Variants in TANC2 observed in about 807,000 individuals in gnomAD.
The protein encoded by TANC2 is tetratricopeptide repeat, ankyrin repeat and coiled-coil containing 2, also known as protein TANC2.
TANC2 carries 26 observed loss-of-function variants against 210.5 expected under a neutral mutation model. That is an observed-to-expected ratio of 0.12 (90% CI 0.09 to 0.17). The LOEUF (loss-of-function observed/expected upper bound fraction) is 0.17. Among genes scored for constraint, TANC2 ranks in the 10% least tolerant of loss-of-function variants. TANC2 has a pLI of 1.00. For synonymous variants in TANC2, 931 were observed against 967.1 expected (o/e 0.96, Z 0.69); for missense variants, 2,129 against 2,608.9 (o/e 0.82, Z 4.01).
At chr17:63,353,313 A>G (rs566535282) in intron 13 of TANC2, among the ~76,000 whole-genome samples, 9 of 152,272 alleles carry the variant, frequency 5.9e-5, no homozygotes, top group Admixed American at 3.3e-4. Flanking sequence ...AATCCTGGGT[A>G]TGTTGTGAGC....
intron 14 of TANC2, among the ~76,000 whole-genome samples, chr17:63,376,036 G>A (rs1054879175): frequency 2.6e-5 from 4 of 151,414 alleles, no homozygotes; most frequent in African/African-American, 4.9e-5. Context: ...GCAGTGAGCC[G>A]AGATCACACC....
chr17:63,234,503 G>A (rs1009188090), intron 7 of TANC2, among the ~76,000 whole-genome samples: 2 of 152,130 alleles, frequency 1.3e-5, no homozygotes, highest in Non-Finnish European at 2.9e-5. Flanking sequence ...CTTCTGTGCT[G>A]AGGGTCTCCT....
chr17:63,158,919 A>G (rs1338476701), intron 5 of TANC2, among the ~76,000 whole-genome samples: 2 of 152,140 alleles, frequency 1.3e-5, no homozygotes, highest in African/African-American at 4.8e-5. Flanking sequence ...AAGGATTCAG[A>G]TCTTCATGGG....
At chr17:63,386,960 C>T (rs374569293) in intron 15 of TANC2, among the ~76,000 whole-genome samples, 1 of 152,180 alleles carries the variant, frequency 6.6e-6, no homozygotes, top group East Asian at 1.9e-4. Flanking sequence ...TCAAGCGATC[C>T]TCCCACCTCA....
intron 11 of TANC2, among the ~76,000 whole-genome samples, chr17:63,322,579 C>T (rs2045530226): frequency 1.3e-5 from 2 of 152,208 alleles, no homozygotes; most frequent in South Asian, 2.1e-4. Context: ...TTCAGTCATT[C>T]AGTTATTCAG....
At chr17:63,229,670 T>A (rs2042419428) in intron 7 of TANC2, among the ~76,000 whole-genome samples, 1 of 151,956 alleles carries the variant, frequency 6.6e-6, no homozygotes, top group Non-Finnish European at 1.5e-5. Context: ...CCTGGTTCAG[T>A]CTTGGGAGGG....
chr17:63,212,314 G>T (rs750103471), intron 7 of TANC2, among the ~76,000 whole-genome samples: 1 of 152,100 alleles, frequency 6.6e-6, no homozygotes, highest in African/African-American at 2.4e-5. Context: ...TTGGTAAAAC[G>T]ACTTTCATAA....
intron 8 of TANC2, among the ~76,000 whole-genome samples, chr17:63,266,644 G>A (rs1345358256): frequency 6.6e-6 from 1 of 151,926 alleles, no homozygotes; most frequent in Admixed American, 6.6e-5. Context: ...TTAAAATTTT[G>A]GATTATAAAG....
At chr17:63,029,375 A>G (rs1483697004) in intron 2 of TANC2, among the ~76,000 whole-genome samples, 1 of 152,102 alleles carries the variant, frequency 6.6e-6, no homozygotes, top group African/African-American at 2.4e-5. Flanking sequence ...TCTCTTATCC[A>G]TTTTGTATCC....
intron 9 of TANC2, among the ~76,000 whole-genome samples, chr17:63,304,709 G>A (rs2044839872): frequency 6.6e-6 from 1 of 152,182 alleles, no homozygotes; most frequent in Non-Finnish European, 1.5e-5. Context: ...GCTGGTCCAT[G>A]GAGACTGCGG....
intron 14 of TANC2, among the ~76,000 whole-genome samples, chr17:63,370,497 C>T (rs2047236429): frequency 1.3e-5 from 2 of 152,124 alleles, no homozygotes; most frequent in Non-Finnish European, 2.9e-5. Context: ...CTCCTTTCTA[C>T]TCTTTCTTCA....
chr17:63,091,468 A>G (rs1000489156), intron 3 of TANC2, among the ~76,000 whole-genome samples: 3 of 152,176 alleles, frequency 2.0e-5, no homozygotes, highest in African/African-American at 7.2e-5. Context: ...TAAATAGGGA[A>G]TCCTTCCCCC....
At chr17:63,056,920 C>T (rs960482023) in intron 2 of TANC2, among the ~76,000 whole-genome samples, 1 of 151,658 alleles carries the variant, frequency 6.6e-6, no homozygotes, top group African/African-American at 2.4e-5. Context: ...GAGAACAGTC[C>T]TGGTGAGGGG....
At chr17:63,007,006 G>T (rs1038411599) in intron 1 of TANC2, among the ~76,000 whole-genome samples, 15 of 151,934 alleles carry the variant, frequency 9.9e-5, no homozygotes, top group African/African-American at 3.1e-4. Flanking sequence ...TGGGAGGATT[G>T]CTTGAGCCCA....
intron 9 of TANC2, among the ~76,000 whole-genome samples, chr17:63,307,068 G>A (rs1325313628): frequency 6.6e-6 from 1 of 152,222 alleles, no homozygotes; most frequent in African/African-American, 2.4e-5. Context: ...CTGGGGCATA[G>A]ACTGAGGGGG....
chr17:63,002,942 GT>G (rs2033454729), intron 1 of TANC2, among the ~76,000 whole-genome samples: 1 of 152,110 alleles, frequency 6.6e-6, no homozygotes, highest in African/African-American at 2.4e-5. Flanking sequence ...TGTTGTACTA[GT>G]CTTTTCATTA....
chr17:63,314,697 T>TG (rs1236858882), intron 10 of TANC2, 28 bp downstream of exon 10: 1 of 1,603,528 alleles, frequency 6.2e-7, no homozygotes, highest in Non-Finnish European at 8.5e-7. Flanking sequence ...AAGAACTCCC[T>TG]GTTTCATTGG....
At chr17:63,153,214 C>T (rs1245665867) in intron 5 of TANC2, 3 of 151,998 alleles carry the variant, frequency 2.0e-5, no homozygotes, top group Non-Finnish European at 4.4e-5. Flanking sequence ...AAAGATTTTG[C>T]ATTTTTTCAT....
chr17:63,116,322 C>T (rs2038249975), intron 4 of TANC2, among the ~76,000 whole-genome samples: 1 of 152,234 alleles, frequency 6.6e-6, no homozygotes, highest in Admixed American at 6.5e-5. Context: ...TACGACAATT[C>T]TATGCATTGG....
Sources: gnomAD v4.1 joint callset for allele counts (sites outside exome capture counted in the v4.1 genomes callset) on GRCh38, gnomAD v4.1.1 for gene constraint, MANE v1.5 for transcripts, NCBI Gene and HGNC (gene_info 2026-07-23, HGNC 2026-07-21) for gene names.